Variants in MAP3K20 observed in about 807,000 individuals in gnomAD.
MAP3K20 encodes the protein mitogen-activated protein kinase kinase kinase 20, also known as HCCS-4.
MAP3K20 carries 40 observed loss-of-function variants against 85.7 expected under a neutral mutation model. The observed-to-expected ratio is 0.47, with a 90% CI of 0.36 to 0.61. The LOEUF (loss-of-function observed/expected upper bound fraction) is 0.61, where lower values mean the gene tolerates loss of function less well. Ranked by LOEUF, MAP3K20 falls within the 20% of genes least tolerant of loss-of-function variation. MAP3K20 has a pLI of 0.00. For missense variants in MAP3K20, 817 were observed against 961.7 expected, an observed-to-expected ratio of 0.85 and a Z score of 1.99; for synonymous variants, 325 against 327.7, an observed-to-expected ratio of 0.99 and a Z score of 0.09.
At chr2:173,243,617 GTTTT>G (rs370281280) in intron 16 of MAP3K20, among the ~76,000 whole-genome samples, 1 of 152,028 alleles carries the variant, frequency 6.6e-6, no homozygotes, top group African/African-American at 2.4e-5. Context: ...TCAGATTTAT[GTTTT>G]TTTGTTTGTT....
intron 16 of MAP3K20, among the ~76,000 whole-genome samples, chr2:173,257,492 ATCAATAATGTCT>A (rs1488680115): frequency 1.3e-5 from 2 of 152,210 alleles, no homozygotes; most frequent in African/African-American, 2.4e-5. Context: ...TGTTGCATGC[ATCAATAATGTCT>A]TCCTTTGTAT....
chr2:173,207,161 A>G (rs1221582594), intron 9 of MAP3K20, among the ~76,000 whole-genome samples: 1 of 152,062 alleles, frequency 6.6e-6, no homozygotes, highest in Non-Finnish European at 1.5e-5. Flanking sequence ...AAAGGTGGGT[A>G]TTGGTTCAGG....
At chr2:173,153,982 T>C (rs983793461) in intron 2 of MAP3K20, among the ~76,000 whole-genome samples, 2 of 152,136 alleles carry the variant, frequency 1.3e-5, no homozygotes, top group Non-Finnish European at 2.9e-5. Flanking sequence ...GAGAGTCGAC[T>C]GTTTGTTTTC....
intron 2 of MAP3K20, among the ~76,000 whole-genome samples, chr2:173,111,651 A>G (rs1243832136): frequency 2.6e-5 from 4 of 152,100 alleles, no homozygotes; most frequent in Non-Finnish European, 4.4e-5. Flanking sequence ...TGGCTAGCCA[A>G]TTATCCCAGC....
chr2:173,255,332 C>T (rs531947777), intron 16 of MAP3K20, among the ~76,000 whole-genome samples: 18 of 152,292 alleles, frequency 1.2e-4, no homozygotes, highest in Middle Eastern at 3.4e-3. Context: ...GTTCACCTGC[C>T]ACCTCTCCCG....
intron 8 of MAP3K20, among the ~76,000 whole-genome samples, chr2:173,202,086 G>C (rs1434763463): frequency 6.6e-6 from 1 of 152,104 alleles, no homozygotes; most frequent in Admixed American, 6.5e-5. Context: ...TGCAATTATA[G>C]TCTACTTTTA....
chr2:173,175,100 C>T (rs1574079439), intron 3 of MAP3K20, among the ~76,000 whole-genome samples: 1 of 152,292 alleles, frequency 6.6e-6, no homozygotes, highest in South Asian at 2.1e-4. Context: ...TTCCCTCCCT[C>T]TCTTTTGTCT....
intron 2 of MAP3K20, among the ~76,000 whole-genome samples, chr2:173,095,517 C>T (rs1265038745): frequency 6.6e-6 from 1 of 152,186 alleles, no homozygotes; most frequent in African/African-American, 2.4e-5. Flanking sequence ...TTAGCTACAT[C>T]TGTGATACAC....
intron 9 of MAP3K20, among the ~76,000 whole-genome samples, chr2:173,205,102 CAA>C (rs1191556180): frequency 2.0e-4 from 11 of 53,992 alleles, no homozygotes; most frequent in African/African-American, 6.0e-4. Flanking sequence ...GACTCTGTCT[CAA>C]AAAAAAAAAA....
intron 12 of MAP3K20, 37 bp from the exon 13 acceptor site, chr2:173,232,155 T>C: frequency 6.2e-7 from 1 of 1,614,070 alleles, no homozygotes; most frequent in African/African-American, 1.3e-5. Context: ...TGACCATGTG[T>C]GAATCTTCAA....
At chr2:173,212,242 A>G (rs1010338535) in intron 10 of MAP3K20, 1 of 147,616 alleles carries the variant, frequency 6.8e-6, no homozygotes. Context: ...ACTGGGCTGT[A>G]GCGATGAGCA....
At chr2:173,089,517 CAAT>C (rs1358698955) in intron 1 of MAP3K20, among the ~76,000 whole-genome samples, 1 of 151,768 alleles carries the variant, frequency 6.6e-6, no homozygotes, top group Non-Finnish European at 1.5e-5. Flanking sequence ...TCTAATATCC[CAAT>C]AATATTTTCT....
chr2:173,090,984 C>T lies in MAP3K20; in HGVS notation c.-34-14C>T, dbSNP rs768975224. The T allele has an allele frequency of 6.4e-7, 1 of 1,558,934 alleles. No individual in the cohort carries two copies. Among genetic ancestry groups the T allele is most frequent in the Admixed American group, 2.0e-5 (1 of 49,910 alleles). ...TATTTGTAATTCAGCTTTTCTTTTT[C>T]TTTCTTTCTGCAGATTTTGTGGAAG... is the stretch of plus-strand genomic sequence containing the variant. On this transcript the variant is annotated splice_polypyrimidine_tract_variant and intron_variant, in intron 1 of 19. Coordinates refer to ENST00000375213, the MANE Select transcript of MAP3K20 (RefSeq NM_016653.3).
intron 2 of MAP3K20, among the ~76,000 whole-genome samples, chr2:173,115,154 G>A (rs1040798510): frequency 2.0e-5 from 3 of 152,106 alleles, no homozygotes; most frequent in African/African-American, 4.8e-5. Context: ...GGAAGACCTT[G>A]TCTTCGAGCT....
At chr2:173,242,782 C>A (rs1684821683) in intron 16 of MAP3K20, among the ~76,000 whole-genome samples, 1 of 144,854 alleles carries the variant, frequency 6.9e-6, no homozygotes, top group South Asian at 2.3e-4. Flanking sequence ...TCTCGGCTCA[C>A]TGCAACCTCC....
At chr2:173,192,670 T>C (rs1349981012) in intron 7 of MAP3K20, among the ~76,000 whole-genome samples, 1 of 152,208 alleles carries the variant, frequency 6.6e-6, no homozygotes, top group Non-Finnish European at 1.5e-5. Flanking sequence ...ATTCTAACCA[T>C]CATACATTCA....
chr2:173,104,315 A>G (rs191623644), intron 2 of MAP3K20, among the ~76,000 whole-genome samples: 3 of 152,304 alleles, frequency 2.0e-5, no homozygotes, highest in African/African-American at 7.2e-5. Flanking sequence ...CCATAACCCC[A>G]GTCTAGTCAT....
At chr2:173,162,887 G>A (rs758548633) in intron 2 of MAP3K20, among the ~76,000 whole-genome samples, 4 of 152,126 alleles carry the variant, frequency 2.6e-5, no homozygotes, top group Non-Finnish European at 5.9e-5. Context: ...CTAGGTGGAG[G>A]GAAGTAGCTG....
At chr2:173,112,272 T>C (rs560923680) in intron 2 of MAP3K20, among the ~76,000 whole-genome samples, 2 of 152,228 alleles carry the variant, frequency 1.3e-5, no homozygotes, top group Non-Finnish European at 2.9e-5. Context: ...TTTGGAAACT[T>C]TGCTGAATCT....
Sources: allele counts gnomAD v4.1 joint callset (sites outside exome capture counted in the v4.1 genomes callset), GRCh38; gene constraint gnomAD v4.1.1; transcripts MANE v1.5; gene names NCBI Gene and HGNC (gene_info 2026-07-23, HGNC 2026-07-21).